ANKRD42: variants seen among roughly 807,000 people sequenced by gnomAD.
ANKRD42 encodes the protein ankyrin repeat domain 42.
Under a neutral mutation model 51.5 loss-of-function variants are expected in ANKRD42, and 43 were observed. That is an observed-to-expected ratio of 0.83 (90% CI 0.65 to 1.08). ANKRD42 has a LOEUF of 1.08. ANKRD42 is among the 50% of genes least tolerant of loss of function. ANKRD42 has a pLI of 0.00. For synonymous variants in ANKRD42, 203 were observed against 213.0 expected (o/e 0.95, Z 0.41); for missense variants, 608 against 629.3 (o/e 0.97, Z 0.36).
chr11:83,200,426 C>A (rs1403962673), intron 2 of ANKRD42, among the ~76,000 whole-genome samples: 2 of 152,212 alleles, frequency 1.3e-5, no homozygotes, highest in Non-Finnish European at 2.9e-5. Context: ...TGACTGGCAT[C>A]TCAAATTCAA....
downstream of ANKRD42, among the ~76,000 whole-genome samples, chr11:83,256,866 G>C (rs1863783169): frequency 6.6e-6 from 1 of 152,028 alleles, no homozygotes; most frequent in Non-Finnish European, 1.5e-5. Flanking sequence ...GGCTTCCAAG[G>C]TTAATCCCAG....
intron 5 of ANKRD42, among the ~76,000 whole-genome samples, chr11:83,222,776 T>TTTCTTTCC (rs968814350): frequency 3.9e-5 from 6 of 152,174 alleles, no homozygotes; most frequent in African/African-American, 1.2e-4. Flanking sequence ...TTGTTTGTTT[T>TTTCTTTCC]TTCTTTCCTT....
chr11:83,231,975 C>T (rs1018431847), intron 7 of ANKRD42, among the ~76,000 whole-genome samples: 4 of 152,018 alleles, frequency 2.6e-5, no homozygotes, highest in Admixed American at 2.0e-4. Context: ...CAGTATCATG[C>T]TGTTTGGTTA....
At chr11:83,230,142 C>A (rs1220263039) in intron 7 of ANKRD42, among the ~76,000 whole-genome samples, 1 of 152,194 alleles carries the variant, frequency 6.6e-6, no homozygotes, top group Admixed American at 6.5e-5. Context: ...GCCTTGACCT[C>A]CTGGGCTCAG....
intron 7 of ANKRD42, among the ~76,000 whole-genome samples, chr11:83,230,913 G>C (rs908411172): frequency 4.6e-5 from 7 of 152,174 alleles, no homozygotes. Context: ...TGGCGGATTA[G>C]TACTGCATTG....
chr11:83,258,187 T>C (rs138810130), downstream of ANKRD42, among the ~76,000 whole-genome samples: 23 of 152,294 alleles, frequency 1.5e-4, no homozygotes, highest in East Asian at 3.5e-3. Flanking sequence ...AATGCTTACA[T>C]TGGACTGTAA....
chr11:83,249,482 G>A (rs527924836), downstream of ANKRD42, among the ~76,000 whole-genome samples: 9 of 152,290 alleles, frequency 5.9e-5, no homozygotes, highest in South Asian at 2.1e-4. Flanking sequence ...ATCTTTTGGG[G>A]TGGTCACGCA....
At chr11:83,233,906 C>A (rs1863152727) in intron 7 of ANKRD42, among the ~76,000 whole-genome samples, 1 of 152,244 alleles carries the variant, frequency 6.6e-6, no homozygotes, top group Non-Finnish European at 1.5e-5. Flanking sequence ...TGTTCTCGAA[C>A]TCTTGACCTC....
chr11:83,262,744 A>C (rs555077712), downstream of ANKRD42, among the ~76,000 whole-genome samples: 1 of 152,296 alleles, frequency 6.6e-6, no homozygotes, highest in African/African-American at 2.4e-5. Flanking sequence ...ACACCACCCC[A>C]TTTGATCCTA....
chr11:83,264,002 A>G (rs1309134584), downstream of ANKRD42, among the ~76,000 whole-genome samples: 13 of 152,212 alleles, frequency 8.5e-5, no homozygotes, highest in Non-Finnish European at 1.8e-4. Flanking sequence ...GTTAATATCA[A>G]AAATCTTAAA....
downstream of ANKRD42, among the ~76,000 whole-genome samples, chr11:83,262,405 T>C (rs569524473): frequency 5.3e-5 from 8 of 152,276 alleles, no homozygotes; most frequent in East Asian, 1.9e-4. Flanking sequence ...TTTCTCATAA[T>C]TCTTAATAAA....
intron 7 of ANKRD42, among the ~76,000 whole-genome samples, chr11:83,230,741 C>T (rs1178714440): frequency 6.6e-6 from 1 of 152,122 alleles, no homozygotes; most frequent in Non-Finnish European, 1.5e-5. Context: ...TGTGTGCCAC[C>T]ATGCCCGGCT....
At chr11:83,260,573 A>T (rs1863883591), downstream of ANKRD42, 1 of 152,242 alleles carries the variant, frequency 6.6e-6, no homozygotes, top group African/African-American at 2.4e-5. Flanking sequence ...CATATGGACC[A>T]ATCTCTTGAC....
chr11:83,198,912 T>C (rs1861763501), intron 2 of ANKRD42, among the ~76,000 whole-genome samples: 1 of 152,188 alleles, frequency 6.6e-6, no homozygotes, highest in Non-Finnish European at 1.5e-5. Context: ...CCATGATATC[T>C]GGGGCTTCAG....
At position 83,228,213 on chromosome 11, in the gene ANKRD42, A is replaced by T. The variant is rs1201296971; in HGVS notation, c.913+341A>T. On this transcript the variant is annotated intron_variant, in intron 7 of 10. Coordinates refer to ENST00000533342, the MANE Select transcript of ANKRD42 (RefSeq NM_001300975.2). ...ACCTATTAATTCATACTAAAATAGA[A>T]ATCATCCCTCTCTCTCTCTTTTTTT... 1.4e-5 allele frequency among the ~76,000 whole-genome samples: 2 copies of T among 147,486 alleles called. 1 individual carries two copies. The highest frequency in any genetic ancestry group is 3.0e-5 in the Non-Finnish European group (2 of 67,156).
In ANKRD42 at chr11:83,248,180, G is replaced by A; in HGVS notation, c.1560G>A (p.Leu520=). The A allele has an allele frequency of 6.6e-7, 1 of 1,520,812 alleles. No individual in the cohort carries two copies. Among genetic ancestry groups the A allele is most frequent in the Non-Finnish European group, 8.8e-7 (1 of 1,135,856 alleles). 94.2% of individuals were successfully genotyped at this position (1,520,812 alleles called of 1,614,324 possible). A position where few individuals can be genotyped will look rare whatever the true frequency, so the allele number is the denominator to read the frequency against. The part of the protein sequence containing the change: ...VQALGWGSLD[L]NPGYSLF ...CTTTGGGCTGGGGCTCTTTGGACTT[G>A]AATCCTGGCTATAGTCTTTTTTGAT... Residue 520 remains leucine, a synonymous_variant, in exon 11 of 11, where the codon TTG becomes TTA. Transcript: ENST00000533342.
At position 83,193,832 on chromosome 11, in the gene ANKRD42, G is replaced by A. The variant is rs1282788963; in HGVS notation, c.-839G>A. 7 of 455,554 alleles carry A rather than the reference G, an allele frequency of 1.5e-5. No homozygotes were observed. The highest frequency in any genetic ancestry group is 7.1e-5 in the Admixed American group (3 of 42,466). 28.2% of individuals were successfully genotyped at this position (455,554 alleles called of 1,614,324 possible). Reference sequence around the variant, plus strand: ...GGCCGCCGCTACGGCGATTCGCAGGGAGTAGCAGACGAAGACGGTGGCCGC... The same window carrying A: ...GGCCGCCGCTACGGCGATTCGCAGGAAGTAGCAGACGAAGACGGTGGCCGC... On this transcript the variant is annotated 5_prime_UTR_variant, in exon 1 of 11. Coordinates refer to ENST00000533342, the MANE Select transcript of ANKRD42 (RefSeq NM_001300975.2).
chr11:83,224,282 T>C (rs1862805840), intron 5 of ANKRD42, among the ~76,000 whole-genome samples: 1 of 152,158 alleles, frequency 6.6e-6, no homozygotes, highest in East Asian at 1.9e-4. Context: ...TTCCACTTCT[T>C]CCCAAAATAT....
intron 5 of ANKRD42, among the ~76,000 whole-genome samples, chr11:83,223,026 G>A (rs1590988085): frequency 6.6e-6 from 1 of 152,288 alleles, no homozygotes; most frequent in South Asian, 2.1e-4. Flanking sequence ...AAGGGCGGGT[G>A]CATTGCTTGA....
Sources: gnomAD v4.1 joint callset for allele counts (sites outside exome capture counted in the v4.1 genomes callset) on GRCh38, gnomAD v4.1.1 for gene constraint, MANE v1.5 for transcripts, NCBI Gene and HGNC (gene_info 2026-07-23, HGNC 2026-07-21) for gene names.